Variants in ERBB4 observed in about 807,000 individuals in gnomAD.
ERBB4 encodes the protein receptor tyrosine-protein kinase erbB-4.
Under a neutral mutation model 158.0 loss-of-function variants are expected in ERBB4, and 42 were observed. That is an observed-to-expected ratio of 0.27 (90% CI 0.21 to 0.34). The LOEUF (loss-of-function observed/expected upper bound fraction) is 0.34. Among genes scored for constraint, ERBB4 ranks in the 10% least tolerant of loss-of-function variants. The pLI is 1.00. For missense variants in ERBB4, 1,333 were observed against 1,624.1 expected, an observed-to-expected ratio of 0.82 and a Z score of 3.08; for synonymous variants, 583 against 558.7, an observed-to-expected ratio of 1.04 and a Z score of -0.61.
At chr2:211,423,347 T>TATTAATAAGA (rs2125409768) in intron 23 of ERBB4, among the ~76,000 whole-genome samples, 1 of 152,092 alleles carries the variant, frequency 6.6e-6, no homozygotes, top group South Asian at 2.1e-4. Flanking sequence ...CAAAGTCTCT[T>TATTAATAAGA]ATTAATAAGA....
intron 3 of ERBB4, among the ~76,000 whole-genome samples, chr2:211,824,610 C>G (rs1392540412): frequency 6.6e-6 from 1 of 151,674 alleles, no homozygotes; most frequent in African/African-American, 2.4e-5. Context: ...ACAAGTTTTA[C>G]CTAAGTAGAA....
chr2:211,862,126 A>T (rs566831993), intron 3 of ERBB4, among the ~76,000 whole-genome samples: 1 of 152,196 alleles, frequency 6.6e-6, no homozygotes, highest in Non-Finnish European at 1.5e-5. Context: ...TCTCTTAAAA[A>T]TCTCATTCAA....
At chr2:211,880,426 GTC>G (rs890309042) in intron 3 of ERBB4, among the ~76,000 whole-genome samples, 3 of 151,912 alleles carry the variant, frequency 2.0e-5, no homozygotes, top group African/African-American at 7.3e-5. Context: ...CTCCTATTAT[GTC>G]TATCCCTCAT....
chr2:211,950,467 G>C (rs1460606400), intron 2 of ERBB4, among the ~76,000 whole-genome samples: 1 of 152,228 alleles, frequency 6.6e-6, no homozygotes, highest in East Asian at 1.9e-4. Flanking sequence ...TTGTTATAAA[G>C]ATATATCTGT....
At chr2:212,206,392 T>G (rs2082745594) in intron 1 of ERBB4, among the ~76,000 whole-genome samples, 1 of 152,168 alleles carries the variant, frequency 6.6e-6, no homozygotes, top group African/African-American at 2.4e-5. Context: ...GTTTTAGTGT[T>G]GGTTACAATC....
intron 2 of ERBB4, among the ~76,000 whole-genome samples, chr2:211,987,472 T>A (rs956590322): frequency 1.3e-5 from 2 of 151,920 alleles, no homozygotes; most frequent in Non-Finnish European, 2.9e-5. Context: ...ATTAACTCAA[T>A]GTTCAGGTTA....
rs141438315 is a variant in ERBB4 at position 211,470,647 on chromosome 2, G to A, written c.2488-39547C>T. Among the ~76,000 whole-genome samples, 21 of 152,206 alleles carry A rather than the reference G, an allele frequency of 1.4e-4. No individual in the cohort carries two copies. In the East Asian group the frequency reaches 1.9e-3, roughly 14 times the overall value. On this transcript the variant is annotated intron_variant, in intron 20 of 27. Coordinates refer to ENST00000342788, the MANE Select transcript of ERBB4 (RefSeq NM_005235.3). ...ACTTTAAGACAACTTTGGAAATCCC[G>A]TAAAACTAAAACTGTACTTCTCAAA...
intron 20 of ERBB4, among the ~76,000 whole-genome samples, chr2:211,488,619 AAT>A (rs1013863024): frequency 6.6e-6 from 1 of 152,102 alleles, no homozygotes; most frequent in Non-Finnish European, 1.5e-5. Flanking sequence ...AAAAAACTGA[AAT>A]ATAAAATATT....
chr2:212,192,042 A>ATGTTATATATGTTATATAT (rs1553589175), intron 1 of ERBB4, among the ~76,000 whole-genome samples: 64 of 48,820 alleles, frequency 1.3e-3, no homozygotes, highest in East Asian at 7.0e-3. Context: ...TATATGTTAT[A>ATGTTATATATGTTATATAT]TATATGTTAT....
intron 25 of ERBB4, among the ~76,000 whole-genome samples, chr2:211,410,451 T>A (rs571700827): frequency 6.6e-6 from 1 of 152,326 alleles, no homozygotes; most frequent in South Asian, 2.1e-4. Flanking sequence ...GGACTAGACT[T>A]TGTTTAAATA....
chr2:211,988,738 T>C (rs1473275346), intron 2 of ERBB4, among the ~76,000 whole-genome samples: 1 of 152,084 alleles, frequency 6.6e-6, no homozygotes, highest in Non-Finnish European at 1.5e-5. Context: ...TATTTTCCCT[T>C]TCCCTCTTCA....
In ERBB4 at chr2:211,379,952, A is replaced by AT. The variant is rs1372181849; in HGVS notation, c.*3662dup. On this transcript the variant is annotated 3_prime_UTR_variant, in exon 28 of 28. Transcript: ENST00000342788. ...AGAGCCTCACACAGTCCTTTTCTTG[A>AT]TTTTTCCTTAGCATTGTAAGTATGC... is the stretch of plus-strand genomic sequence containing the variant. 10 of 231,732 alleles carry AT rather than the reference A, an allele frequency of 4.3e-5. No homozygotes were observed. The South Asian group carries it at 5.4e-4, about 13-fold the overall frequency. The allele number at this position is 231,732 out of a possible 1,614,324, so 14.4% of individuals were successfully genotyped here.
chr2:212,179,724 A>T (rs1005045326), intron 1 of ERBB4, among the ~76,000 whole-genome samples: 11 of 151,658 alleles, frequency 7.3e-5, no homozygotes, highest in Non-Finnish European at 1.3e-4. Context: ...TATAAATCAT[A>T]GATGATAGAT....
intron 12 of ERBB4, among the ~76,000 whole-genome samples, chr2:211,699,267 T>C (rs185740011): frequency 1.3e-5 from 2 of 152,308 alleles, no homozygotes. Context: ...ACATGCACGC[T>C]GATATGCATA....
intron 20 of ERBB4, among the ~76,000 whole-genome samples, chr2:211,451,197 A>G (rs1476067070): frequency 3.3e-5 from 5 of 152,178 alleles, no homozygotes; most frequent in Admixed American, 2.6e-4. Flanking sequence ...TCAAATATGG[A>G]ATGACTGTCA....
At chr2:211,835,988 C>T (rs1162096440) in intron 3 of ERBB4, among the ~76,000 whole-genome samples, 1 of 151,940 alleles carries the variant, frequency 6.6e-6, no homozygotes, top group Non-Finnish European at 1.5e-5. Context: ...TAAGGGAAAA[C>T]TTAACAGTAT....
chr2:211,935,948 C>T (rs1269760210), intron 3 of ERBB4, among the ~76,000 whole-genome samples: 3 of 151,922 alleles, frequency 2.0e-5, no homozygotes. Context: ...TGTACTATGC[C>T]ATAAAGATAC....
At chr2:212,201,704 T>C (rs548857900) in intron 1 of ERBB4, among the ~76,000 whole-genome samples, 16 of 152,306 alleles carry the variant, frequency 1.1e-4, no homozygotes, top group Admixed American at 3.9e-4. Flanking sequence ...TTCTGTCCTC[T>C]CTGGATACTA....
intron 2 of ERBB4, among the ~76,000 whole-genome samples, chr2:212,016,879 A>C (rs183725168): frequency 1.6e-3 from 249 of 152,252 alleles, no homozygotes; most frequent in African/African-American, 5.8e-3. Context: ...GGACTTATAA[A>C]AAGAAAGATA....
Sources: allele counts gnomAD v4.1 joint callset (sites outside exome capture counted in the v4.1 genomes callset), GRCh38; gene constraint gnomAD v4.1.1; transcripts MANE v1.5; gene names NCBI Gene and HGNC (gene_info 2026-07-23, HGNC 2026-07-21).